ZBED1: variants seen among roughly 807,000 people sequenced by gnomAD.
ZBED1 encodes the protein E3 SUMO-protein ligase ZBED1.
In ZBED1, 19 loss-of-function variants were observed where a neutral mutation model predicts 49.7. The ratio of observed to expected loss-of-function variants is 0.38; its 90% CI spans 0.27 to 0.56. The LOEUF is 0.56. Among genes scored for constraint, ZBED1 ranks in the 20% least tolerant of loss-of-function variants. ZBED1 has a pLI of 0.70. For missense variants in ZBED1, 806 were observed against 972.6 expected (o/e 0.83, Z 2.28); for synonymous variants, 439 against 440.3 (o/e 1.00, Z 0.04).
At chrX:2,496,318 C>A (rs2045284534) in intron 1 of ZBED1, among the ~76,000 whole-genome samples, 2 of 152,258 alleles carry the variant, frequency 1.3e-5, no homozygotes, top group East Asian at 3.9e-4. Context: ...CCTGCCTCAG[C>A]CTCCCAAGTA....
In ZBED1 at chrX:2,489,472, G is replaced by A. The variant is rs1291822669; in HGVS notation, c.1248C>T (p.Tyr416=). 6.2e-7 allele frequency: 1 copy of A among 1,613,808 alleles called. No individual in the cohort carries two copies. Among genetic ancestry groups the A allele is most frequent in the African/African-American group, 1.3e-5 (1 of 75,002 alleles). Residue 416 remains tyrosine, a synonymous_variant, in exon 2 of 2, where the codon TAC becomes TAT. Coordinates refer to ENST00000652001, the MANE Select transcript of ZBED1 (RefSeq NM_001171136.2). The part of the protein sequence containing the change: ...QVAEMLSASR[Y]PTISMVKPLL... ...GCGGCTTCACCATGCTGATGGTGGG[G>A]TACCTGGAGGCCGACAGCATCTCGG... is the stretch of plus-strand genomic sequence containing the variant.
chrX:2,500,892 G>A lies in ZBED1; in HGVS notation c.-129C>T, dbSNP rs967657248. On this transcript the variant is annotated 5_prime_UTR_variant, in exon 1 of 2. Transcript: ENST00000652001. Reference sequence around the variant, plus strand: ...ACCGCGGCGCCTACCGCGTAGACCCGCAGGGCCGCCCGCGCCGCAGACAAT... The same window carrying A: ...ACCGCGGCGCCTACCGCGTAGACCCACAGGGCCGCCCGCGCCGCAGACAAT... 6 of 1,137,256 alleles carry A rather than the reference G, an allele frequency of 5.3e-6. No individual in the cohort carries two copies. The highest frequency in any genetic ancestry group is 3.2e-5 in the South Asian group (1 of 31,562). 70.4% of individuals were successfully genotyped at this position (1,137,256 alleles called of 1,614,324 possible). A position where few individuals can be genotyped will look rare whatever the true frequency, so the allele number is the denominator to read the frequency against.
rs1285887970 is a variant in ZBED1 at position 2,489,540 on chromosome X, T to C, written c.1180A>G (p.Ile394Val). 1.2e-6 allele frequency: 2 copies of C among 1,612,928 alleles called. No individual in the cohort carries two copies. Among genetic ancestry groups the C allele is most frequent in the Non-Finnish European group, 1.7e-6 (2 of 1,179,856 alleles). The change falls in exon 2 of 2, where the codon ATC becomes GTC. Residue 394 changes from isoleucine (I) to valine (V), a missense_variant. Ile to Val is a conservative substitution (Grantham distance 29, BLOSUM62 3). Around this residue, in one of 2 missense-constraint regions of ZBED1, gnomAD observed 749 missense variants for 861.3 expected, o/e 0.87. Coordinates refer to ENST00000652001, the MANE Select transcript of ZBED1 (RefSeq NM_001171136.2). ...TGCAGGAGCTCCACCAGCCCCTCGA[T>C]GGTGGCCCACTCGCTGGCCTCCAGC... is the stretch of plus-strand genomic sequence containing the variant. ...LMLEASEWAT[I>V]EGLVELLQPF...
Position 2,489,179 on chromosome X carries a change from C to T in ZBED1, c.1541G>A (p.Arg514Gln), listed in dbSNP as rs749425836. The T allele has an allele frequency of 6.2e-5, 100 of 1,613,502 alleles. No homozygotes were observed. The highest frequency in any genetic ancestry group is 1.4e-4 in the South Asian group (13 of 91,072). The change falls in exon 2 of 2, where the codon CGG becomes CAG. Residue 514 changes from arginine (R) to glutamine (Q), a missense_variant. This residue lies in a region of ZBED1 where 749 missense variants were observed against 861.3 expected (regional missense o/e 0.87). Coordinates refer to ENST00000652001, the MANE Select transcript of ZBED1 (RefSeq NM_001171136.2). Reference sequence around the variant, plus strand: ...CGGGAAGATCTTGTCCTCAGCCGGCCGGTAGCCGCCGTCTTTGACCTTGTC... The same window carrying T: ...CGGGAAGATCTTGTCCTCAGCCGGCTGGTAGCCGCCGTCTTTGACCTTGTC... Reference protein sequence around the residue: ...LLDKVKDGGYRPAEDKIFPVP... With the variant: ...LLDKVKDGGYQPAEDKIFPVP...
rs755447695 is a variant in ZBED1, at chrX:2,490,251, C to T, written c.469G>A (p.Asp157Asn). The T allele has an allele frequency of 9.3e-6, 15 of 1,613,898 alleles. No individual in the cohort carries two copies. The highest frequency in any genetic ancestry group is 8.9e-5 in the East Asian group (4 of 44,872). ...CGGCTGGGCAGCTCATACCGGGGGT[C>T]GGCCGTCTTCAGCAGCACCTTGAAG... is the stretch of plus-strand genomic sequence containing the variant. ...PTFKVLLKTA[D>N]PRYELPSRKY... Residue 157 changes from aspartate to asparagine, a missense_variant, in exon 2 of 2, where the codon GAC (aspartate) becomes AAC (asparagine). By Grantham distance (23) the Asp-to-Asn change is conservative (BLOSUM62 1). Transcript: ENST00000652001.
intron 1 of ZBED1, among the ~76,000 whole-genome samples, chrX:2,496,678 G>T (rs980050938): frequency 6.6e-6 from 1 of 151,858 alleles, no homozygotes; most frequent in African/African-American, 2.4e-5. Context: ...TGTTCCCACC[G>T]CAAAGGAAAA....
chrX:2,498,154 G>GT (rs1340298142), intron 1 of ZBED1, among the ~76,000 whole-genome samples: 1 of 152,136 alleles, frequency 6.6e-6, no homozygotes, highest in Non-Finnish European at 1.5e-5. Context: ...CTCATACCAT[G>GT]TAAGTCAACT....
At chrX:2,500,654 G>GCCCCCCCCCCCCCCCCCCCCCCCCCCCC (rs546772121) in intron 1 of ZBED1, 163 bp downstream of exon 1, 2 of 126,744 alleles carry the variant, frequency 1.6e-5, no homozygotes, top group South Asian at 2.5e-4. Context: ...CGCGCACGCC[G>GCCCCCCCCCCCCCCCCCCCCCCCCCCCC]CCCCCCCCCC....
rs775129880 is a variant in ZBED1, at chrX:2,489,639, G to A, written c.1081C>T (p.Leu361=). The A allele has an allele frequency of 3.7e-6, 6 of 1,612,514 alleles. No individual in the cohort carries two copies. Among genetic ancestry groups the A allele is most frequent in the Non-Finnish European group, 3.4e-6 (4 of 1,179,792 alleles). Reference sequence around the variant, plus strand: ...AACTGCTGCTCCTTGAGGCGCTGCAGCATGGCCAGCGTGCTCCCCCACCAG... The same window carrying A: ...AACTGCTGCTCCTTGAGGCGCTGCAACATGGCCAGCGTGCTCCCCCACCAG... ...VSWWGSTLAM[L]QRLKEQQFVI... Residue 361 remains leucine, a synonymous_variant, in exon 2 of 2, where the codon CTG becomes TTG. Coordinates refer to ENST00000652001, the MANE Select transcript of ZBED1 (RefSeq NM_001171136.2).
At chrX:2,500,175 A>G (rs1330576901) in intron 1 of ZBED1, 1 of 152,382 alleles carries the variant, frequency 6.6e-6, no homozygotes, top group Non-Finnish European at 1.5e-5. Context: ...AGATGTTTAC[A>G]AAGGCCAAGG....
chrX:2,500,467 C>T lies in ZBED1; in HGVS notation c.-54+350G>A, dbSNP rs538426273. ...GAGCCCCCGGGTCCCCGGCCATGGC[C>T]CGGAGGTGTCAGGGTGCGCGGGGGG... On this transcript the variant is annotated intron_variant, in intron 1 of 1. Coordinates refer to ENST00000652001, the MANE Select transcript of ZBED1 (RefSeq NM_001171136.2). 80 of 158,822 alleles carry T rather than the reference C, an allele frequency of 5.0e-4. No homozygotes were observed. The South Asian group carries it at 0.011, about 22-fold the overall frequency. 9.8% of individuals were successfully genotyped at this position (158,822 alleles called of 1,614,324 possible).
Position 2,489,235 on chromosome X carries a change from A to G in ZBED1, c.1485T>C (p.Asn495=). ...GGCCCTTGGCCTCTTCCACCACGCG[A>G]TTCTCCACCTGCTGCCGCTCGAAGG... The part of the protein sequence containing the change: ...LSAFERQQVE[N]RVVEEAKGLL... The change falls in exon 2 of 2, where the codon AAT becomes AAC. Residue 495 remains asparagine, a synonymous_variant. Coordinates refer to ENST00000652001, the MANE Select transcript of ZBED1 (RefSeq NM_001171136.2). The G allele has an allele frequency of 6.2e-7, 1 of 1,613,638 alleles. No individual in the cohort carries two copies. Among genetic ancestry groups the G allele is most frequent in the Non-Finnish European group, 8.5e-7 (1 of 1,179,798 alleles).
rs751875632 is a variant in ZBED1, at chrX:2,490,315, G to A, written c.405C>T (p.Cys135=). ...CGATGGAGGCTGGGTACAGCCCCTCGCAGATGAGGCCCAGCACGGCGGCCG... is the reference window on the plus strand; with the variant it reads ...CGATGGAGGCTGGGTACAGCCCCTCACAGATGAGGCCCAGCACGGCGGCCG... The part of the protein sequence containing the change: ...ELTAAVLGLI[C]EGLYPASIVD... The change falls in exon 2 of 2, where the codon TGC becomes TGT. Residue 135 remains cysteine (C), a synonymous_variant. Coordinates refer to ENST00000652001, the MANE Select transcript of ZBED1 (RefSeq NM_001171136.2). 1.6e-5 allele frequency: 26 copies of A among 1,613,296 alleles called. No homozygotes were observed. The highest frequency in any genetic ancestry group is 1.2e-4 in the African/African-American group (9 of 74,928).
intron 1 of ZBED1, among the ~76,000 whole-genome samples, chrX:2,496,432 C>T (rs2045286771): frequency 6.6e-6 from 1 of 152,120 alleles, no homozygotes; most frequent in East Asian, 1.9e-4. Flanking sequence ...CTCCTGAGCT[C>T]AGGCAATCCA....
Position 2,500,931 on chromosome X carries a change from C to T in ZBED1, c.-168G>A, listed in dbSNP as rs1486153832. 3 of 1,065,888 alleles carry T rather than the reference C, an allele frequency of 2.8e-6. No individual in the cohort carries two copies. The highest frequency in any genetic ancestry group is 1.7e-5 in the African/African-American group (1 of 58,546). The allele number at this position is 1,065,888 out of a possible 1,614,324, so 66.0% of individuals were successfully genotyped here. On this transcript the variant is annotated 5_prime_UTR_variant, in exon 1 of 2. Coordinates refer to ENST00000652001, the MANE Select transcript of ZBED1 (RefSeq NM_001171136.2). ...GCCGCAGACAATGGCGACATGGCTG[C>T]CCCGGCCGCGCCGCCGCCGCTTCCG...
In ZBED1 at chrX:2,489,705, GC is replaced by G; in HGVS notation, c.1014del (p.Gln338HisfsTer10). 6.2e-7 allele frequency: 1 copy of G among 1,612,842 alleles called. No individual in the cohort carries two copies. Among genetic ancestry groups the G allele is most frequent in the Non-Finnish European group, 8.5e-7 (1 of 1,179,836 alleles). ...AMYMLYEKQK[Q>X]QNVAHCMLVS... ...ACCAGCATGCAGTGGGCCACGTTCT[GC>G]TGCTTCTGCTTCTCATAGAGCATGT... On this transcript the variant is annotated frameshift_variant, in exon 2 of 2. Coordinates refer to ENST00000652001, the MANE Select transcript of ZBED1 (RefSeq NM_001171136.2). LOFTEE classifies it high-confidence loss of function.
In ZBED1 at chrX:2,488,890, G is replaced by A. The variant is rs774432481; in HGVS notation, c.1830C>T (p.Cys610=). The A allele has an allele frequency of 1.1e-5, 17 of 1,610,288 alleles. No homozygotes were observed. The highest frequency in any genetic ancestry group is 1.7e-4 in the Middle Eastern group (1 of 6,020). The change falls in exon 2 of 2, where the codon TGC becomes TGT. Residue 610 remains cysteine (C), a synonymous_variant. Coordinates refer to ENST00000652001, the MANE Select transcript of ZBED1 (RefSeq NM_001171136.2). ...CAGGGGCGACGCGCGTGGCCGTCACGCACCAGTACTTCTGCAGCACCTTGG... is the reference window on the plus strand; with the variant it reads ...CAGGGGCGACGCGCGTGGCCGTCACACACCAGTACTTCTGCAGCACCTTGG... ...LLPKVLQKYW[C]VTATRVAPER...
At position 2,490,750 on chromosome X, in the gene ZBED1, G is replaced by A. The variant is rs375446104; in HGVS notation, c.-31C>T. ...CTCCACCGGAGCCTGCCTGCTGGAC[G>A]GCTGCTCATGCGTGGGGACCTGCTG... On this transcript the variant is annotated 5_prime_UTR_variant, in exon 2 of 2. Coordinates refer to ENST00000652001, the MANE Select transcript of ZBED1 (RefSeq NM_001171136.2). The A allele has an allele frequency of 2.1e-5, 34 of 1,596,264 alleles. No homozygotes were observed. The African/African-American group carries it at 2.4e-4, about 11-fold the overall frequency.
Position 2,500,835 on chromosome X carries a change from C to G in ZBED1, c.-72G>C. On this transcript the variant is annotated 5_prime_UTR_variant, in exon 1 of 2. Coordinates refer to ENST00000652001, the MANE Select transcript of ZBED1 (RefSeq NM_001171136.2). ...CGCTGACCTGGCTCCAGGAAGCCCC[C>G]GCGGCAGCGCCGCAGCAGCTGCGCC... 1 of 1,143,412 alleles carries G rather than the reference C, an allele frequency of 8.7e-7. No homozygotes were observed. The highest frequency in any genetic ancestry group is 1.1e-6 in the Non-Finnish European group (1 of 928,938). 70.8% of individuals were successfully genotyped at this position (1,143,412 alleles called of 1,614,324 possible). A position where few individuals can be genotyped will look rare whatever the true frequency, so the allele number is the denominator to read the frequency against.
Sources: gnomAD v4.1 joint callset for allele counts (sites outside exome capture counted in the v4.1 genomes callset) on GRCh38, gnomAD v4.1.1 for gene constraint, gnomAD v4.1.1 regional missense constraint, MANE v1.5 for transcripts, NCBI Gene and HGNC (gene_info 2026-07-23, HGNC 2026-07-21) for gene names.